RPN2: variants seen among roughly 807,000 people sequenced by gnomAD.
The protein encoded by RPN2 is dolichyl-diphosphooligosaccharide--protein glycosyltransferase subunit 2.
A neutral mutation model predicts 71.4 loss-of-function variants in RPN2; 29 were observed. That is an observed-to-expected ratio of 0.41 (90% confidence interval 0.30 to 0.55). RPN2 has a LOEUF of 0.55. RPN2 is among the 20% of genes least tolerant of loss of function. The pLI, the probability that RPN2 is intolerant of heterozygous loss-of-function variation, is 0.35. For synonymous variants in RPN2, 308 were observed against 305.0 expected (o/e 1.01, Z -0.10); for missense variants, 726 against 774.1 (o/e 0.94, Z 0.74).
chr20:37,238,886 T>C (rs527733333), intron 16 of RPN2: 12 of 515,434 alleles, frequency 2.3e-5, no homozygotes, highest in African/African-American at 2.3e-4. Context: ...CACCGATCTC[T>C]AGTTGGGCTA....
chr20:37,196,494 A>C (rs1406473537), intron 2 of RPN2, among the ~76,000 whole-genome samples: 1 of 151,954 alleles, frequency 6.6e-6, no homozygotes, highest in African/African-American at 2.4e-5. Flanking sequence ...TGACCTCCCA[A>C]AGTGCTGGTA....
In RPN2 at chr20:37,204,902, G is replaced by A; in HGVS notation, c.690+1G>A. 3 of 1,614,088 alleles carry A rather than the reference G, an allele frequency of 1.9e-6. No homozygotes were observed. Among genetic ancestry groups the A allele is most frequent in the Non-Finnish European group, 2.5e-6 (3 of 1,180,020 alleles). On this transcript the variant is annotated splice_donor_variant, in intron 6 of 16. Coordinates refer to ENST00000237530, the MANE Select transcript of RPN2 (RefSeq NM_002951.5). LOFTEE classifies it high-confidence loss of function. ...GGGGACTGAGCCATCCATTAAGGAG[G>A]TACCTATCTAACAATTTTCAGGCAT... is the stretch of plus-strand genomic sequence containing the variant.
chr20:37,199,318 G>C, intron 4 of RPN2, 93 bp downstream of exon 4: 5 of 1,476,934 alleles, frequency 3.4e-6, no homozygotes, highest in Non-Finnish European at 4.6e-6. Flanking sequence ...TACTTTCTGG[G>C]CAAGTACTTG....
chr20:37,235,366 G>A (rs1402132027), intron 15 of RPN2, among the ~76,000 whole-genome samples: 1 of 152,178 alleles, frequency 6.6e-6, no homozygotes, highest in Non-Finnish European at 1.5e-5. Context: ...TTTCTCATTT[G>A]ATTATCATCA....
At chr20:37,201,720 A>G (rs1434900616) in intron 4 of RPN2, among the ~76,000 whole-genome samples, 4 of 152,140 alleles carry the variant, frequency 2.6e-5, no homozygotes, top group Admixed American at 6.5e-5. Flanking sequence ...GTGAAATCCA[A>G]CTGGTAGGTT....
Position 37,208,147 on chromosome 20 carries a change from G to T in RPN2, c.867+698G>T, listed in dbSNP as rs370912468. Among the ~76,000 whole-genome samples, 10 of 152,042 alleles carry T rather than the reference G, an allele frequency of 6.6e-5. No homozygotes were observed. The East Asian group carries it at 9.8e-4, about 15-fold the overall frequency. On this transcript the variant is annotated intron_variant, in intron 7 of 16. Coordinates refer to ENST00000237530, the MANE Select transcript of RPN2 (RefSeq NM_002951.5). ...TAGCAGGGCCTGGTGGTGCGCACCT[G>T]TAGTCCCAGCTACTCAGGAGGCTGA...
chr20:37,217,925 G>A (rs1272960791), intron 9 of RPN2, among the ~76,000 whole-genome samples: 2 of 151,820 alleles, frequency 1.3e-5, no homozygotes, highest in South Asian at 2.1e-4. Flanking sequence ...TAGTAGAGAC[G>A]GGGTTTTGCC....
In RPN2 at chr20:37,232,381, T is replaced by C; in HGVS notation, c.1667T>C (p.Leu556Pro). 6.2e-7 allele frequency: 1 copy of C among 1,614,184 alleles called. No individual in the cohort carries two copies. Among genetic ancestry groups the C allele is most frequent in the Non-Finnish European group, 8.5e-7 (1 of 1,180,018 alleles). ...TALILSPLLL[L>P]FALWIRIGAN... ...CTGATCCTCTCGCCGTTGCTTCTGC[T>C]CTTCGCTCTGGTGAGTGGCTGTAAT... The change falls in exon 14 of 17, where the codon CTC becomes CCC. Residue 556 changes from leucine (L) to proline (P), a missense_variant. Coordinates refer to ENST00000237530, the MANE Select transcript of RPN2 (RefSeq NM_002951.5).
intron 15 of RPN2, among the ~76,000 whole-genome samples, chr20:37,235,008 C>T (rs73293769): frequency 5.9e-5 from 9 of 152,264 alleles, no homozygotes; most frequent in African/African-American, 2.2e-4. Flanking sequence ...AATTCTTTGC[C>T]TCTTTCAGGA....
chr20:37,200,634 A>G (rs949559780), intron 4 of RPN2: 1 of 392,936 alleles, frequency 2.5e-6, no homozygotes, highest in African/African-American at 2.1e-5. Flanking sequence ...GGCAATTGAC[A>G]TTCCCTCTCT....
At chr20:37,215,351 C>T (rs2067781536) in intron 9 of RPN2, among the ~76,000 whole-genome samples, 1 of 152,198 alleles carries the variant, frequency 6.6e-6, no homozygotes, top group African/African-American at 2.4e-5. Context: ...ACTCGAATCT[C>T]TTCACCTCAT....
chr20:37,230,027 C>G lies in RPN2; in HGVS notation c.1549C>G (p.Gln517Glu). 6.2e-7 allele frequency: 1 copy of G among 1,614,160 alleles called. No individual in the cohort carries two copies. The highest frequency in any genetic ancestry group is 8.5e-7 in the Non-Finnish European group (1 of 1,180,026). The change falls in exon 13 of 17, where the codon CAG (glutamine) becomes GAG (glutamate). Residue 517 changes from glutamine to glutamate, a missense_variant. By Grantham distance (29) the Gln-to-Glu change is conservative. Transcript: ENST00000237530. The part of the protein sequence containing the change: ...EEEAPSTVLS[Q>E]NLFTPKQEIQ... ...AGAAGCTCCCTCGACTGTCTTGTCC[C>G]AGAACCTTTTCACTCCAAAACAGGA...
At chr20:37,201,996 A>G (rs1354284948) in intron 4 of RPN2, among the ~76,000 whole-genome samples, 1 of 152,254 alleles carries the variant, frequency 6.6e-6, no homozygotes, top group Admixed American at 6.5e-5. Flanking sequence ...CGAATACAGT[A>G]CTATGCTCCA....
chr20:37,222,194 G>A (rs2067975150), intron 9 of RPN2, among the ~76,000 whole-genome samples: 1 of 152,160 alleles, frequency 6.6e-6, no homozygotes, highest in Non-Finnish European at 1.5e-5. Flanking sequence ...GCCAAAGTGA[G>A]GCTCCTAGCT....
Position 37,198,454 on chromosome 20 carries a change from T to C in RPN2, c.265T>C (p.Tyr89His), listed in dbSNP as rs146315738. 3.1e-4 allele frequency: 506 copies of C among 1,614,234 alleles called. 3 individuals are homozygous for C. The East Asian group carries it at 9.9e-3, about 32-fold the overall frequency. The part of the protein sequence containing the change: ...LDPSNVDSLF[Y>H]AAQASQALSG... ...TCCCAGCAATGTGGATTCCCTCTTC[T>C]ACGCTGCCCAGGCCAGCCAGGCCCT... The change falls in exon 3 of 17, where the codon TAC (tyrosine) becomes CAC (histidine). Residue 89 changes from tyrosine (Y) to histidine (H), a missense_variant. Coordinates refer to ENST00000237530, the MANE Select transcript of RPN2 (RefSeq NM_002951.5).
chr20:37,190,416 C>T (rs1456020788), intron 2 of RPN2, among the ~76,000 whole-genome samples: 2 of 152,172 alleles, frequency 1.3e-5, no homozygotes, highest in African/African-American at 2.4e-5. Context: ...AAGGTGTTAA[C>T]TTCAAAACTT....
At chr20:37,201,334 T>G (rs1045095154) in intron 4 of RPN2, among the ~76,000 whole-genome samples, 2 of 145,622 alleles carry the variant, frequency 1.4e-5, no homozygotes, top group Non-Finnish European at 3.0e-5. Context: ...TAGGCTGCAG[T>G]GCAATGCGAT....
intron 2 of RPN2, among the ~76,000 whole-genome samples, chr20:37,184,797 A>G (rs2066970005): frequency 6.6e-6 from 1 of 152,196 alleles, no homozygotes; most frequent in Admixed American, 6.5e-5. Flanking sequence ...GTCTCAAAAA[A>G]AGAAGTTTAT....
At chr20:37,215,564 C>G (rs1418629235) in intron 9 of RPN2, among the ~76,000 whole-genome samples, 1 of 152,096 alleles carries the variant, frequency 6.6e-6, no homozygotes, top group Non-Finnish European at 1.5e-5. Context: ...CTCTTCTTCC[C>G]TGTACTTCGA....
Sources: gnomAD v4.1 joint callset for allele counts (sites outside exome capture counted in the v4.1 genomes callset) on GRCh38, gnomAD v4.1.1 for gene constraint, MANE v1.5 for transcripts, NCBI Gene and HGNC (gene_info 2026-07-23, HGNC 2026-07-21) for gene names.